ZNF521: variants seen among roughly 807,000 people sequenced by gnomAD.
The protein encoded by ZNF521 is LYST-interacting protein 3.
A neutral mutation model predicts 105.5 loss-of-function variants in ZNF521; 14 were observed. The observed-to-expected ratio is 0.13, with a 90% CI of 0.09 to 0.21. The LOEUF (loss-of-function observed/expected upper bound fraction) is 0.21. Among genes scored for constraint, ZNF521 ranks in the 10% least tolerant of loss-of-function variants. ZNF521 has a pLI of 1.00. For missense variants in ZNF521, 1,233 were observed against 1,629.7 expected, an observed-to-expected ratio of 0.76 and a Z score of 4.19; for synonymous variants, 635 against 606.0, an observed-to-expected ratio of 1.05 and a Z score of -0.70.
At chr18:25,324,834 T>C (rs1015819697) in intron 2 of ZNF521, among the ~76,000 whole-genome samples, 1 of 152,220 alleles carries the variant, frequency 6.6e-6, no homozygotes, top group Non-Finnish European at 1.5e-5. Flanking sequence ...CATAGAAGAA[T>C]GCATGATGGC....
chr18:25,196,479 T>C (rs977214488), intron 4 of ZNF521, among the ~76,000 whole-genome samples: 4 of 151,008 alleles, frequency 2.6e-5, no homozygotes, highest in African/African-American at 9.7e-5. Flanking sequence ...GCCATTAATA[T>C]AAATTTTTCC....
intron 3 of ZNF521, among the ~76,000 whole-genome samples, chr18:25,258,423 G>C (rs904543191): frequency 6.6e-6 from 1 of 152,140 alleles, no homozygotes; most frequent in Non-Finnish European, 1.5e-5. Flanking sequence ...ATGGCAGGGA[G>C]GGAAAAGAAT....
Position 25,225,570 on chromosome 18 carries a change from T to G in ZNF521, c.2348A>C (p.His783Pro), listed in dbSNP as rs908440822. The part of the protein sequence containing the change: ...HNHLENQGKV[H>P]KCIFCGESFG... ...GGACTCACCGCAGAAAATGCACTTA[T>G]GCACTTTCCCTTGGTTTTCCAGGTG... The change falls in exon 4 of 8, where the codon CAT becomes CCT. Residue 783 changes from histidine (H) to proline (P), a missense_variant. His to Pro is a moderately conservative substitution (Grantham distance 77). Coordinates refer to ENST00000361524, the MANE Select transcript of ZNF521 (RefSeq NM_015461.3). This position sits in a 1 kb window ranked among gnomAD's most constrained non-coding sequence, Gnocchi z 5.6. 6.2e-7 allele frequency: 1 copy of G among 1,614,254 alleles called. No individual in the cohort carries two copies. Among genetic ancestry groups the G allele is most frequent in the African/African-American group, 1.3e-5 (1 of 75,074 alleles).
At chr18:25,181,194 G>A (rs1234300419) in intron 5 of ZNF521, among the ~76,000 whole-genome samples, 1 of 152,088 alleles carries the variant, frequency 6.6e-6, no homozygotes, top group Non-Finnish European at 1.5e-5. Context: ...TGAGCCTATG[G>A]GCTTCATGTT....
At position 25,227,510 on chromosome 18, in the gene ZNF521, A is replaced by G; in HGVS notation, c.408T>C (p.His136=). 6.2e-7 allele frequency: 1 copy of G among 1,614,140 alleles called. No homozygotes were observed. The highest frequency in any genetic ancestry group is 8.5e-7 in the Non-Finnish European group (1 of 1,180,022). The stretch of plus-strand genomic sequence containing the variant: ...GCAGTTTGTCACTGTGACTCTGCTC[A>G]TGGTGCTTTAGGTAGCTGAGGCGGC... ...SFSRLSYLKH[H]EQSHSDKLPF... Residue 136 remains histidine (H), a synonymous_variant, in exon 4 of 8, where the codon CAT becomes CAC. Transcript: ENST00000361524. This position sits in a 1 kb window ranked among gnomAD's most constrained non-coding sequence, Gnocchi z 5.7.
At chr18:25,113,367 C>T (rs867335951) in intron 5 of ZNF521, among the ~76,000 whole-genome samples, 14 of 152,134 alleles carry the variant, frequency 9.2e-5, no homozygotes, top group Non-Finnish European at 1.6e-4. Context: ...GGCCGCCCAG[C>T]GCCAATGAAA....
chr18:25,200,261 G>T (rs576236849), intron 4 of ZNF521, among the ~76,000 whole-genome samples: 1 of 152,128 alleles, frequency 6.6e-6, no homozygotes, highest in Non-Finnish European at 1.5e-5. Context: ...TTACGAGAGC[G>T]AAGGAACTGT....
At chr18:25,170,265 T>A (rs1004501842) in intron 5 of ZNF521, among the ~76,000 whole-genome samples, 2 of 152,014 alleles carry the variant, frequency 1.3e-5, no homozygotes, top group East Asian at 3.9e-4. Context: ...ATGTCAGAAA[T>A]AATGATCAGA....
At chr18:25,197,830 C>T (rs2144642975) in intron 4 of ZNF521, among the ~76,000 whole-genome samples, 1 of 151,914 alleles carries the variant, frequency 6.6e-6, no homozygotes, top group Non-Finnish European at 1.5e-5. Context: ...GGAATTACCT[C>T]CCTTCCTGGT....
At chr18:25,114,286 T>C (rs956571899) in intron 5 of ZNF521, among the ~76,000 whole-genome samples, 2 of 152,144 alleles carry the variant, frequency 1.3e-5, no homozygotes, top group African/African-American at 4.8e-5. Flanking sequence ...GCAATACTGG[T>C]GGAAAAGAGG....
At chr18:25,187,530 T>TA (rs2035747620) in intron 5 of ZNF521, among the ~76,000 whole-genome samples, 1 of 152,156 alleles carries the variant, frequency 6.6e-6, no homozygotes, top group East Asian at 1.9e-4. Context: ...GGCCCTTTTA[T>TA]CAACAATTTT....
intron 2 of ZNF521, among the ~76,000 whole-genome samples, chr18:25,343,332 A>G (rs1223496931): frequency 2.0e-5 from 3 of 152,180 alleles, no homozygotes; most frequent in Non-Finnish European, 4.4e-5. Flanking sequence ...TTTTAATTGG[A>G]AAAAAATCCA....
chr18:25,304,469 G>A (rs1911855465), intron 3 of ZNF521, among the ~76,000 whole-genome samples: 1 of 152,132 alleles, frequency 6.6e-6, no homozygotes, highest in African/African-American at 2.4e-5. Context: ...TTGTGTGTGT[G>A]CAAACCTACA....
chr18:25,308,821 T>C (rs1912138328), intron 3 of ZNF521, among the ~76,000 whole-genome samples: 1 of 151,992 alleles, frequency 6.6e-6, no homozygotes, highest in Admixed American at 6.6e-5. Context: ...TACTGGGAGG[T>C]GCTATTCATT....
intron 5 of ZNF521, among the ~76,000 whole-genome samples, chr18:25,106,395 C>A (rs2034074450): frequency 6.6e-6 from 1 of 151,982 alleles, no homozygotes; most frequent in Admixed American, 6.6e-5. Context: ...TCCCGGCCCC[C>A]AGAAATGTAA....
At chr18:25,129,673 G>A (rs1269563817) in intron 5 of ZNF521, among the ~76,000 whole-genome samples, 1 of 151,938 alleles carries the variant, frequency 6.6e-6, no homozygotes, top group Admixed American at 6.6e-5. Context: ...GGCGGGGTGG[G>A]GGGTATGATC....
intron 3 of ZNF521, among the ~76,000 whole-genome samples, chr18:25,319,959 T>C (rs143160187): frequency 5.5e-4 from 84 of 152,282 alleles, no homozygotes; most frequent in Middle Eastern, 3.4e-3. Flanking sequence ...AACTAACTGG[T>C]AGCTTCTCTT....
At chr18:25,129,268 T>A (rs200402177) in intron 5 of ZNF521, among the ~76,000 whole-genome samples, 2,215 of 77,502 alleles carry the variant, frequency 0.029, 45 homozygotes, top group African/African-American at 0.072. Context: ...TAATAATAAT[T>A]ATTATTATTA....
At chr18:25,142,579 T>C (rs2034869176) in intron 5 of ZNF521, among the ~76,000 whole-genome samples, 1 of 152,098 alleles carries the variant, frequency 6.6e-6, no homozygotes, top group Non-Finnish European at 1.5e-5. Flanking sequence ...AGTACTTTCA[T>C]GGAAAAGATG....
Sources: gnomAD v4.1 joint callset for allele counts (sites outside exome capture counted in the v4.1 genomes callset) on GRCh38, gnomAD v4.1.1 for gene constraint, Gnocchi (gnomAD v3.1) non-coding constraint, MANE v1.5 for transcripts, NCBI Gene and HGNC (gene_info 2026-07-23, HGNC 2026-07-21) for gene names.